The following LINGO2 variants were observed in gnomAD, a reference collection of about 807,000 sequenced individuals.
LINGO2 encodes the protein leucine-rich repeat and immunoglobulin-like domain-containing nogo receptor-interacting protein 2.
Under a neutral mutation model 30.6 loss-of-function variants are expected in LINGO2, and 14 were observed. The ratio of observed to expected loss-of-function variants is 0.46; its 90% CI spans 0.30 to 0.72. LINGO2 has a LOEUF of 0.72. Ranked by LOEUF, LINGO2 falls within the 30% of genes least tolerant of loss-of-function variation. The probability of loss-of-function intolerance (pLI) is 0.07; values close to 1 mark genes in which losing one functional copy is unlikely to be tolerated. For synonymous variants in LINGO2, 317 were observed against 288.5 expected, an observed-to-expected ratio of 1.10 and a Z score of -1.00; for missense variants, 729 against 751.7, an observed-to-expected ratio of 0.97 and a Z score of 0.35.
chr9:28,355,376 T>C (rs1371879619), intron 3 of LINGO2, among the ~76,000 whole-genome samples: 17 of 107,276 alleles, frequency 1.6e-4, no homozygotes, highest in African/African-American at 4.8e-4. Flanking sequence ...TGTGTGTGTG[T>C]GTGTGTGTGT....
At chr9:29,065,978 A>G in the LINGO2 span, among the ~76,000 whole-genome samples, 2 of 152,016 alleles carry the variant, frequency 1.3e-5, no homozygotes, top group Non-Finnish European at 2.9e-5. Context: ...ATATTTAAGC[A>G]AAGTTAAAGG....
chr9:28,166,968 A>ACGGG (rs1381111780), intron 4 of LINGO2, among the ~76,000 whole-genome samples: 1 of 152,112 alleles, frequency 6.6e-6, no homozygotes. Flanking sequence ...TGCAGCCAGA[A>ACGGG]CTCAAACCTC....
chr9:28,696,278 A>T, the LINGO2 span, among the ~76,000 whole-genome samples: 2 of 151,976 alleles, frequency 1.3e-5, no homozygotes, highest in East Asian at 3.8e-4. Context: ...TCACTTTTTA[A>T]AGGTAGACTT....
At chr9:28,022,808 A>C (rs1207379158) in intron 4 of LINGO2, among the ~76,000 whole-genome samples, 1 of 151,600 alleles carries the variant, frequency 6.6e-6, no homozygotes, top group Admixed American at 6.6e-5. Context: ...TTCTCTTTTA[A>C]TTATGTTTAT....
chr9:28,473,205 GT>G (rs11327044), intron 2 of LINGO2, among the ~76,000 whole-genome samples: 124,928 of 150,544 alleles, frequency 0.83, 52,487 homozygotes, highest in South Asian at 0.91. Context: ...CTGATAACTT[GT>G]TTTTTTTTTC....
the LINGO2 span, among the ~76,000 whole-genome samples, chr9:29,026,414 T>C: frequency 2.0e-5 from 3 of 152,136 alleles, no homozygotes; most frequent in Non-Finnish European, 4.4e-5. Context: ...CTTTGGTAAA[T>C]AATTAAATAA....
At chr9:29,105,780 G>A in the LINGO2 span, among the ~76,000 whole-genome samples, 29,097 of 151,960 alleles carry the variant, frequency 0.19, 2,897 homozygotes, top group South Asian at 0.24. Context: ...TACCTATGGA[G>A]GATGCCATGT....
chr9:28,725,395 TA>T, the LINGO2 span, among the ~76,000 whole-genome samples: 1 of 151,706 alleles, frequency 6.6e-6, no homozygotes, highest in Admixed American at 6.6e-5. Context: ...GCAAAATGAT[TA>T]AACACAGATA....
At chr9:28,468,544 A>C (rs1415324214) in intron 2 of LINGO2, among the ~76,000 whole-genome samples, 1 of 152,194 alleles carries the variant, frequency 6.6e-6, no homozygotes, top group Non-Finnish European at 1.5e-5. Flanking sequence ...CCCCAAGAAG[A>C]AGCTGAGTTG....
chr9:28,711,346 C>T, the LINGO2 span, among the ~76,000 whole-genome samples: 1 of 151,976 alleles, frequency 6.6e-6, no homozygotes, highest in Non-Finnish European at 1.5e-5. Context: ...AATTCAGTTT[C>T]CTCATCTGTA....
At chr9:28,474,063 A>G (rs989733674) in intron 2 of LINGO2, among the ~76,000 whole-genome samples, 2 of 152,332 alleles carry the variant, frequency 1.3e-5, no homozygotes, top group South Asian at 4.1e-4. Context: ...AATTATTAAT[A>G]AAATAGCACA....
At chr9:28,204,692 A>T (rs1449052919) in intron 4 of LINGO2, among the ~76,000 whole-genome samples, 4 of 152,186 alleles carry the variant, frequency 2.6e-5, no homozygotes, top group Non-Finnish European at 4.4e-5. Context: ...CAACTCTTCC[A>T]AGAAGAATTT....
chr9:28,175,320 A>T (rs73645605), intron 4 of LINGO2, among the ~76,000 whole-genome samples: 9,536 of 151,958 alleles, frequency 0.063, 371 homozygotes, highest in Admixed American at 0.096. Flanking sequence ...AAGCATTTTG[A>T]ACCCTACACT....
intron 1 of LINGO2, among the ~76,000 whole-genome samples, chr9:28,614,098 T>C (rs1826034972): frequency 6.6e-6 from 1 of 152,162 alleles, no homozygotes; most frequent in Non-Finnish European, 1.5e-5. Context: ...AATGCCTCTC[T>C]TGATCATTAT....
chr9:28,408,556 T>C (rs1428126853), intron 2 of LINGO2, among the ~76,000 whole-genome samples: 2 of 144,516 alleles, frequency 1.4e-5, no homozygotes, highest in African/African-American at 2.6e-5. Flanking sequence ...CACTCATAGG[T>C]GGGAATTGAA....
chr9:28,442,451 C>T (rs1273110789), intron 2 of LINGO2, among the ~76,000 whole-genome samples: 2 of 152,006 alleles, frequency 1.3e-5, no homozygotes, highest in African/African-American at 4.8e-5. Flanking sequence ...TAAATGTGTA[C>T]AATTATAATT....
intron 1 of LINGO2, among the ~76,000 whole-genome samples, chr9:28,660,355 A>G (rs1828541591): frequency 6.6e-6 from 1 of 152,122 alleles, no homozygotes; most frequent in African/African-American, 2.4e-5. Context: ...AAAAGGGATT[A>G]GATAAATAAA....
the LINGO2 span, among the ~76,000 whole-genome samples, chr9:28,941,518 A>C: frequency 6.6e-6 from 1 of 152,132 alleles, no homozygotes. Context: ...GCAAAAATGT[A>C]TACATATTAT....
At chr9:29,166,527 G>A in the LINGO2 span, among the ~76,000 whole-genome samples, 1 of 152,064 alleles carries the variant, frequency 6.6e-6, no homozygotes, top group Admixed American at 6.6e-5. Context: ...TCTTACAGAT[G>A]AAAAACTAGT....
Sources: allele counts gnomAD v4.1 joint callset (sites outside exome capture counted in the v4.1 genomes callset), GRCh38; gene constraint gnomAD v4.1.1; transcripts MANE v1.5; gene names NCBI Gene and HGNC (gene_info 2026-07-23, HGNC 2026-07-21).